Variants in FHIT observed in about 807,000 individuals in gnomAD.
The protein encoded by FHIT is fragile histidine triad diadenosine triphosphatase.
Under a neutral mutation model 17.9 loss-of-function variants are expected in FHIT, and 19 were observed. The ratio of observed to expected loss-of-function variants is 1.06; its 90% CI spans 0.74 to 1.56. FHIT has a LOEUF of 1.56. Ranked by LOEUF, FHIT falls within the 40% of genes most tolerant of loss-of-function variation. The pLI, the probability that FHIT is intolerant of heterozygous loss-of-function variation, is 0.00. For missense variants in FHIT, 248 were observed against 189.2 expected (o/e 1.31, Z -1.82); for synonymous variants, 81 against 69.7 (o/e 1.16, Z -0.81).
At chr3:59,839,678 C>A (rs1436007731) in intron 8 of FHIT, among the ~76,000 whole-genome samples, 1 of 152,140 alleles carries the variant, frequency 6.6e-6, no homozygotes, top group Non-Finnish European at 1.5e-5. Flanking sequence ...CTGGGAAGAT[C>A]TACTTCAATC....
At chr3:60,465,909 C>G (rs1279250540) in intron 5 of FHIT, among the ~76,000 whole-genome samples, 1 of 151,912 alleles carries the variant, frequency 6.6e-6, no homozygotes, top group Non-Finnish European at 1.5e-5. Flanking sequence ...TTATTTTTTT[C>G]TATTTTCATG....
intron 5 of FHIT, among the ~76,000 whole-genome samples, chr3:60,066,886 C>T (rs1194132632): frequency 4.0e-5 from 6 of 151,868 alleles, no homozygotes; most frequent in East Asian, 1.9e-4. Context: ...CCTTGTGATC[C>T]GCCCACCTCG....
intron 3 of FHIT, among the ~76,000 whole-genome samples, chr3:60,889,082 T>A (rs9754560): frequency 0.038 from 5,859 of 152,208 alleles, 373 homozygotes; most frequent in African/African-American, 0.13. Context: ...CCCAACTCAT[T>A]CCGATCACCT....
At position 59,747,463 on chromosome 3, in the gene FHIT, C is replaced by T. The variant is rs1366248703; in HGVS notation, c.*2122G>A. Among the ~76,000 whole-genome samples, 1 of 152,104 alleles carries T rather than the reference C, an allele frequency of 6.6e-6. No homozygotes were observed. The highest frequency in any genetic ancestry group is 1.5e-5 in the Non-Finnish European group (1 of 68,010). On this transcript the variant is annotated 3_prime_UTR_variant, in exon 10 of 10. Transcript: ENST00000492590. The stretch of plus-strand genomic sequence containing the variant: ...CCTCCCCCTTGATTCAGTTACCTCC[C>T]ACTGGGTCCCTCCCATGACATGTGG...
chr3:60,038,065 G>T (rs1047533648), intron 5 of FHIT, among the ~76,000 whole-genome samples: 21 of 151,942 alleles, frequency 1.4e-4, no homozygotes, highest in African/African-American at 5.1e-4. Context: ...ACCTTTCAAT[G>T]TTATTAAATT....
chr3:60,339,035 C>T (rs986176151), intron 5 of FHIT, among the ~76,000 whole-genome samples: 89 of 152,086 alleles, frequency 5.9e-4, no homozygotes, highest in African/African-American at 2.0e-3. Flanking sequence ...GTTTGTAAAA[C>T]TTTACATTTG....
At chr3:60,043,544 G>A (rs77193405) in intron 5 of FHIT, among the ~76,000 whole-genome samples, 14,131 of 152,244 alleles carry the variant, frequency 0.093, 892 homozygotes, top group Middle Eastern at 0.26. Context: ...TGAAATCAAG[G>A]TGTCTAGAAA....
chr3:61,209,371 T>C (rs537147054), intron 1 of FHIT, among the ~76,000 whole-genome samples: 21 of 152,234 alleles, frequency 1.4e-4, no homozygotes, highest in Non-Finnish European at 2.6e-4. Flanking sequence ...CCTGCCTTGC[T>C]AGATTGGGGA....
intron 8 of FHIT, among the ~76,000 whole-genome samples, chr3:59,859,491 G>A (rs1297084655): frequency 6.6e-6 from 1 of 152,242 alleles, no homozygotes; most frequent in African/African-American, 2.4e-5. Flanking sequence ...GCTGAGGCGG[G>A]TGGATCACCT....
At chr3:60,125,967 C>CT (rs1460643556) in intron 5 of FHIT, among the ~76,000 whole-genome samples, 1 of 152,184 alleles carries the variant, frequency 6.6e-6, no homozygotes, top group Non-Finnish European at 1.5e-5. Context: ...TCCTCCCCTT[C>CT]TTTCTCTGTT....
intron 3 of FHIT, among the ~76,000 whole-genome samples, chr3:60,882,817 C>G (rs1269901070): frequency 6.6e-6 from 1 of 152,028 alleles, no homozygotes; most frequent in Non-Finnish European, 1.5e-5. Context: ...GACCATGATG[C>G]CCACTCCCAC....
intron 5 of FHIT, among the ~76,000 whole-genome samples, chr3:60,146,826 T>C (rs1315418573): frequency 6.6e-6 from 1 of 152,164 alleles, no homozygotes; most frequent in East Asian, 1.9e-4. Context: ...GCGTCCGCTA[T>C]CCATGGAAAT....
At chr3:60,588,277 GAC>G (rs1371006720) in intron 4 of FHIT, among the ~76,000 whole-genome samples, 2 of 151,924 alleles carry the variant, frequency 1.3e-5, no homozygotes, top group Non-Finnish European at 2.9e-5. Flanking sequence ...AAGATCAACT[GAC>G]ACAGAACAAA....
intron 3 of FHIT, among the ~76,000 whole-genome samples, chr3:60,850,687 A>C (rs1431157641): frequency 6.6e-6 from 1 of 152,094 alleles, no homozygotes; most frequent in Non-Finnish European, 1.5e-5. Context: ...ATGGCCAACC[A>C]GGTCCAATGA....
chr3:60,164,113 G>C (rs971802884), intron 5 of FHIT, among the ~76,000 whole-genome samples: 4 of 152,148 alleles, frequency 2.6e-5, no homozygotes, highest in Admixed American at 2.0e-4. Context: ...ATAAACTTAA[G>C]TAGGTAGCTA....
chr3:61,208,396 C>T (rs1325233093), intron 1 of FHIT, among the ~76,000 whole-genome samples: 1 of 151,898 alleles, frequency 6.6e-6, no homozygotes, highest in Non-Finnish European at 1.5e-5. Flanking sequence ...TGTTGATCTG[C>T]TAATGTTGAC....
intron 7 of FHIT, among the ~76,000 whole-genome samples, chr3:59,985,093 G>A (rs1302541371): frequency 6.6e-6 from 1 of 152,128 alleles, no homozygotes; most frequent in African/African-American, 2.4e-5. Context: ...CTCTGTGGTG[G>A]CTTGTGTCCA....
intron 7 of FHIT, among the ~76,000 whole-genome samples, chr3:59,933,700 C>A (rs1451290760): frequency 1.3e-5 from 2 of 152,098 alleles, no homozygotes; most frequent in African/African-American, 2.4e-5. Context: ...TATGAACAGG[C>A]CAGTGTAATA....
intron 8 of FHIT, among the ~76,000 whole-genome samples, chr3:59,889,230 T>C (rs1242582447): frequency 6.6e-6 from 1 of 152,204 alleles, no homozygotes; most frequent in African/African-American, 2.4e-5. Context: ...CCAATAAAAA[T>C]GGGACTAGAC....
Sources: allele counts gnomAD v4.1 joint callset (sites outside exome capture counted in the v4.1 genomes callset), GRCh38; gene constraint gnomAD v4.1.1; transcripts MANE v1.5; gene names NCBI Gene and HGNC (gene_info 2026-07-23, HGNC 2026-07-21).